The following PKP1 variants were observed in gnomAD, a reference collection of about 807,000 sequenced individuals.
PKP1 encodes the protein plakophilin-1.
Under a neutral mutation model 76.4 loss-of-function variants are expected in PKP1, and 27 were observed. That is an observed-to-expected ratio of 0.35 (90% CI 0.26 to 0.49). The LOEUF (loss-of-function observed/expected upper bound fraction) is 0.49. Ranked by LOEUF, PKP1 falls within the 20% of genes least tolerant of loss-of-function variation. The pLI is 0.99. For missense variants in PKP1, 964 were observed against 955.2 expected, an observed-to-expected ratio of 1.01 and a Z score of -0.12; for synonymous variants, 404 against 384.2, an observed-to-expected ratio of 1.05 and a Z score of -0.60.
At chr1:201,299,290 C>T (rs1240669488) in intron 2 of PKP1, among the ~76,000 whole-genome samples, 1 of 152,172 alleles carries the variant, frequency 6.6e-6, no homozygotes. Flanking sequence ...TCTAGCTGAA[C>T]CTCAGCTTGC....
chr1:201,307,412 A>G (rs562532890), intron 2 of PKP1, among the ~76,000 whole-genome samples: 1 of 152,142 alleles, frequency 6.6e-6, no homozygotes, highest in Admixed American at 6.6e-5. Flanking sequence ...CTGAAGTCCC[A>G]TCTGTTGTGA....
In PKP1 at chr1:201,324,561, C is replaced by G; in HGVS notation, c.1814C>G (p.Pro605Arg). Residue 605 changes from proline to arginine, a missense_variant, in exon 10 of 14, where the codon CCT becomes CGT. Physicochemically the swap from Pro to Arg is moderately radical, Grantham distance 103. Coordinates refer to ENST00000367324, the MANE Select transcript of PKP1 (RefSeq NM_001005337.3). ...ASLLSNMSRH[P>R]LLHRVMGNQV... ...CTCCTGAGCAACATGTCCCGCCACCCTCTGCTGCACAGAGTGATGGGTAAG... is the reference window on the plus strand; with the variant it reads ...CTCCTGAGCAACATGTCCCGCCACCGTCTGCTGCACAGAGTGATGGGTAAG... 1 of 1,614,158 alleles carries G rather than the reference C, an allele frequency of 6.2e-7. No individual in the cohort carries two copies. Among genetic ancestry groups the G allele is most frequent in the Non-Finnish European group, 8.5e-7 (1 of 1,180,022 alleles).
chr1:201,283,770 T>C lies in PKP1; in HGVS notation c.68T>C (p.Leu23Ser), dbSNP rs1201125089. 6.2e-7 allele frequency: 1 copy of C among 1,614,052 alleles called. No individual in the cohort carries two copies. Among genetic ancestry groups the C allele is most frequent in the Non-Finnish European group, 8.5e-7 (1 of 1,180,000 alleles). ...TTCCAGGACCAGGACAACTCCACGT[T>C]GGCTTTGCCGTCGGACCAAAAGATG... is the stretch of plus-strand genomic sequence containing the variant. ...ECFQDQDNST[L>S]ALPSDQKMKT... The change falls in exon 1 of 14, where the codon TTG (leucine) becomes TCG (serine). Residue 23 changes from leucine (L) to serine (S), a missense_variant. Coordinates refer to ENST00000367324, the MANE Select transcript of PKP1 (RefSeq NM_001005337.3).
intron 2 of PKP1, among the ~76,000 whole-genome samples, chr1:201,300,349 C>A (rs748844046): frequency 2.6e-5 from 4 of 152,194 alleles, no homozygotes; most frequent in Non-Finnish European, 5.9e-5. Flanking sequence ...TTGGGAGGGG[C>A]CCTCCTTTCT....
chr1:201,319,672 G>A, intron 6 of PKP1: 1 of 795,644 alleles, frequency 1.3e-6, no homozygotes, highest in Non-Finnish European at 2.2e-6. Context: ...CATTGCTTGG[G>A]GATGAGCCCA....
intron 9 of PKP1, among the ~76,000 whole-genome samples, chr1:201,323,498 C>A (rs568872131): frequency 6.6e-6 from 1 of 152,106 alleles, no homozygotes; most frequent in Non-Finnish European, 1.5e-5. Flanking sequence ...TCGGGGAATG[C>A]GGCGGAGAAG....
intron 2 of PKP1, among the ~76,000 whole-genome samples, chr1:201,297,404 G>A (rs1656106891): frequency 6.6e-6 from 1 of 152,142 alleles, no homozygotes; most frequent in Non-Finnish European, 1.5e-5. Context: ...AGATGGGGCA[G>A]GTTTTAGCCT....
intron 7 of PKP1, among the ~76,000 whole-genome samples, chr1:201,321,303 T>G (rs1447785505): frequency 6.6e-6 from 1 of 152,174 alleles, no homozygotes; most frequent in African/African-American, 2.4e-5. Flanking sequence ...CAGATTCCCT[T>G]AGACCCCAGC....
At chr1:201,329,919 C>A (rs1306121974) in intron 13 of PKP1, among the ~76,000 whole-genome samples, 155 bp from the exon 14 acceptor site, 1 of 152,110 alleles carries the variant, frequency 6.6e-6, no homozygotes, top group Non-Finnish European at 1.5e-5. Flanking sequence ...ATCCACAGGG[C>A]AATCTATAAA....
intron 5 of PKP1, among the ~76,000 whole-genome samples, chr1:201,318,026 A>T (rs951057804): frequency 2.0e-5 from 3 of 152,232 alleles, no homozygotes; most frequent in Non-Finnish European, 2.9e-5. Flanking sequence ...AAAGAGCAAA[A>T]GGAGGAAGGC....
Position 201,324,420 on chromosome 1 carries a change from T to C in PKP1, c.1681-8T>C, listed in dbSNP as rs1450647957. On this transcript the variant is annotated splice_polypyrimidine_tract_variant and splice_region_variant and intron_variant, in intron 9 of 13. Coordinates refer to ENST00000367324, the MANE Select transcript of PKP1 (RefSeq NM_001005337.3). ...AGGCTAGCTCATCATCTACTCCTTC[T>C]CTCTTAGATGTCCAGTGGCATGAGC... 2.5e-6 allele frequency: 4 copies of C among 1,614,008 alleles called. No homozygotes were observed. Among genetic ancestry groups the C allele is most frequent in the Non-Finnish European group, 3.4e-6 (4 of 1,179,942 alleles).
chr1:201,293,213 G>C (rs1655972087), intron 1 of PKP1, among the ~76,000 whole-genome samples: 1 of 152,196 alleles, frequency 6.6e-6, no homozygotes, highest in Admixed American at 6.5e-5. Flanking sequence ...GTGAAAGGGA[G>C]ATGAGGGGGG....
Position 201,331,596 on chromosome 1 carries a change from C to A in PKP1, c.*1555C>A. On this transcript the variant is annotated 3_prime_UTR_variant, in exon 14 of 14. Transcript: ENST00000367324. Reference sequence around the variant, plus strand: ...CTCTAGAAGAATATAAGATGCTCCTCCTCCTCACCCCTTCTCAGCCTCCTC... The same window carrying A: ...CTCTAGAAGAATATAAGATGCTCCTACTCCTCACCCCTTCTCAGCCTCCTC... The A allele has an allele frequency of 6.6e-6, 1 of 152,528 alleles. No individual in the cohort carries two copies. The allele number at this position is 152,528 out of a possible 1,614,324, so 9.4% of individuals were successfully genotyped here. A position where few individuals can be genotyped will look rare whatever the true frequency, so the allele number is the denominator to read the frequency against.
At chr1:201,320,499 A>G in intron 7 of PKP1, 118 bp downstream of exon 7, 1 of 734,240 alleles carries the variant, frequency 1.4e-6, no homozygotes, top group South Asian at 1.5e-5. Context: ...GTGGTAGAAG[A>G]GGCATCTGGA....
intron 2 of PKP1, among the ~76,000 whole-genome samples, chr1:201,308,863 G>C (rs1656445656): frequency 6.6e-6 from 1 of 152,196 alleles, no homozygotes; most frequent in South Asian, 2.1e-4. Flanking sequence ...CAGAGCCCTG[G>C]GGGCTGGGCA....
At chr1:201,325,708 C>T (rs769285864) in intron 11 of PKP1, 46 bp from the exon 12 acceptor site, 1 of 1,449,644 alleles carries the variant, frequency 6.9e-7, no homozygotes, top group South Asian at 1.1e-5. Context: ...CTCCTTCTCA[C>T]ACCTCCTGGA....
In PKP1 at chr1:201,300,536, A is replaced by C. The variant is rs573942204; in HGVS notation, c.306+6491A>C. On this transcript the variant is annotated intron_variant, in intron 2 of 13. Coordinates refer to ENST00000367324, the MANE Select transcript of PKP1 (RefSeq NM_001005337.3). ...AGCCAGGGAGGCCCCTTTAGAGCCC[A>C]GAGAGAATGTGGAGAAAAGGAACAA... Among the ~76,000 whole-genome samples, 24 of 152,336 alleles carry C rather than the reference A, an allele frequency of 1.6e-4. No homozygotes were observed. The South Asian group carries it at 5.0e-3, about 32-fold the overall frequency.
At chr1:201,302,315 A>G (rs1330011144) in intron 2 of PKP1, among the ~76,000 whole-genome samples, 1 of 151,806 alleles carries the variant, frequency 6.6e-6, no homozygotes, top group East Asian at 1.9e-4. Context: ...CTGAGTCTGG[A>G]CCCCAGTGGA....
At chr1:201,291,968 G>A (rs773998596) in intron 1 of PKP1, among the ~76,000 whole-genome samples, 7 of 152,212 alleles carry the variant, frequency 4.6e-5, no homozygotes, top group Non-Finnish European at 8.8e-5. Context: ...CTGGAGAAAG[G>A]TGGAGGAAGA....
Sources: gnomAD v4.1 joint callset for allele counts (sites outside exome capture counted in the v4.1 genomes callset) on GRCh38, gnomAD v4.1.1 for gene constraint, MANE v1.5 for transcripts, NCBI Gene and HGNC (gene_info 2026-07-23, HGNC 2026-07-21) for gene names.